Variants in CRISP2 observed in about 807,000 individuals in gnomAD.
CRISP2 encodes cysteine rich secretory protein 2.
In CRISP2, 29 loss-of-function variants were observed where a neutral mutation model predicts 31.7. The observed-to-expected ratio is 0.92, with a 90% confidence interval of 0.68 to 1.25. The LOEUF is 1.25. CRISP2 is among the 50% of genes most tolerant of loss of function. The pLI, the probability that CRISP2 is intolerant of heterozygous loss-of-function variation, is 0.00. For missense variants in CRISP2, 318 were observed against 286.5 expected, an observed-to-expected ratio of 1.11 and a Z score of -0.79; for synonymous variants, 111 against 101.4, an observed-to-expected ratio of 1.09 and a Z score of -0.57.
chr6:49,694,766 G>A lies in CRISP2; in HGVS notation c.604+1070C>T, dbSNP rs187916710. Among the ~76,000 whole-genome samples, 873 of 142,612 alleles carry A rather than the reference G, an allele frequency of 6.1e-3. 8 individuals are homozygous for A. The highest frequency in any genetic ancestry group is 0.021 in the African/African-American group (813 of 38,384). 93.6% of individuals were successfully genotyped at this position (142,612 alleles called of 152,430 possible). ...TTTTTTTTTTTTTTGAGACAGTCTC[G>A]CTCTGTTGCCCTGGCTGGAGTGCAG... On this transcript the variant is annotated intron_variant, in intron 9 of 9. Transcript: ENST00000339139.
downstream of CRISP2, among the ~76,000 whole-genome samples, chr6:49,688,550 A>G (rs932988385): frequency 2.6e-5 from 4 of 152,172 alleles, no homozygotes; most frequent in Non-Finnish European, 4.4e-5. Flanking sequence ...AAAAGCCATT[A>G]TATTGTGATG....
chr6:49,695,734 A>T, intron 9 of CRISP2, 102 bp downstream of exon 9: 1 of 988,702 alleles, frequency 1.0e-6, no homozygotes, highest in African/African-American at 1.7e-5. Flanking sequence ...TCACCAATAC[A>T]TTATTTCAAT....
At chr6:49,706,869 C>T (rs1006295091) in intron 4 of CRISP2, among the ~76,000 whole-genome samples, 12 of 152,234 alleles carry the variant, frequency 7.9e-5, no homozygotes, top group Non-Finnish European at 1.0e-4. Context: ...TGATCGTGGA[C>T]GCCACTGTAC....
chr6:49,682,696 C>T, the CRISP2 span, among the ~76,000 whole-genome samples: 26 of 141,884 alleles, frequency 1.8e-4, no homozygotes, highest in Admixed American at 1.2e-3. Flanking sequence ...CTTTCTCTTT[C>T]TTTTTCTTTT....
At chr6:49,682,729 TTTTC>T in the CRISP2 span, among the ~76,000 whole-genome samples, 41 of 149,342 alleles carry the variant, frequency 2.7e-4, no homozygotes, top group Non-Finnish European at 4.0e-4. Flanking sequence ...TTCTCTTTCT[TTTTC>T]TTTCTTTTTT....
chr6:49,709,450 A>C (rs1024729575), intron 3 of CRISP2, among the ~76,000 whole-genome samples: 6 of 152,330 alleles, frequency 3.9e-5, no homozygotes, highest in Admixed American at 3.9e-4. Context: ...AGGTACATCT[A>C]TAAAAGAGAG....
chr6:49,681,790 G>A, the CRISP2 span, among the ~76,000 whole-genome samples: 1 of 152,018 alleles, frequency 6.6e-6, no homozygotes, highest in Admixed American at 6.6e-5. Context: ...AGCCTCCTAA[G>A]TAGCTTGGAT....
Position 49,697,936 on chromosome 6 carries a change from G to T in CRISP2, c.439C>A (p.Gln147Lys). 6.2e-7 allele frequency: 1 copy of T among 1,605,516 alleles called. No individual in the cohort carries two copies. The highest frequency in any genetic ancestry group is 8.5e-7 in the Non-Finnish European group (1 of 1,176,330). Reference sequence around the variant, plus strand: ...CAGTAGGCAATTCCACAGCCTACCTGGTAAGTCGAGTACCAAACAAGCTGC... The same window carrying T: ...CAGTAGGCAATTCCACAGCCTACCTTGTAAGTCGAGTACCAAACAAGCTGC... ...YTQLVWYSTY[Q>K]VGCGIAYCPN... The change falls in exon 8 of 10, where the codon CAG becomes AAG. Residue 147 changes from glutamine to lysine, a missense_variant. Gln to Lys is a moderately conservative substitution (Grantham distance 53). Transcript: ENST00000339139.
At chr6:49,710,509 C>G (rs961924635) in intron 3 of CRISP2, among the ~76,000 whole-genome samples, 1 of 152,014 alleles carries the variant, frequency 6.6e-6, no homozygotes, top group African/African-American at 2.4e-5. Flanking sequence ...ACAATGGAGA[C>G]CCTTTATTTT....
Position 49,699,809 on chromosome 6 carries a change from T to C in CRISP2, c.266A>G (p.Lys89Arg). The C allele has an allele frequency of 6.2e-7, 1 of 1,608,644 alleles. No individual in the cohort carries two copies. The highest frequency in any genetic ancestry group is 8.5e-7 in the Non-Finnish European group (1 of 1,175,824). ...ATATTTACTAATTTACATACTGGTT[T>C]TGCGGTCCTCTGGATCACTATGTTG... is the stretch of plus-strand genomic sequence containing the variant. ...TLQHSDPEDR[K>R]TSTRCGENLY... Residue 89 changes from lysine (K) to arginine (R), a missense_variant, in exon 6 of 10, where the codon AAA (lysine) becomes AGA (arginine). Physicochemically the swap from Lys to Arg is conservative, Grantham distance 26. Coordinates refer to ENST00000339139, the MANE Select transcript of CRISP2 (RefSeq NM_003296.4).
the CRISP2 span, among the ~76,000 whole-genome samples, chr6:49,682,843 C>T: frequency 2.0e-5 from 3 of 150,654 alleles, no homozygotes; most frequent in African/African-American, 7.3e-5. Flanking sequence ...TTCCTCCCTT[C>T]CTCCCTTCTT....
chr6:49,702,152 T>TGTGTACATATATATATATGTGTAC (rs1252709952), intron 4 of CRISP2, among the ~76,000 whole-genome samples: 12 of 51,692 alleles, frequency 2.3e-4, no homozygotes, highest in African/African-American at 1.0e-3. Flanking sequence ...TATATATATA[T>TGTGTACATATATATATATGTGTAC]ATATATATAT....
the CRISP2 span, among the ~76,000 whole-genome samples, chr6:49,679,470 A>G: frequency 6.6e-6 from 1 of 152,144 alleles, no homozygotes; most frequent in African/African-American, 2.4e-5. Flanking sequence ...AAATGAGAGC[A>G]AAGGGAAATG....
chr6:49,693,023 A>C, intron 9 of CRISP2, 123 bp from the exon 10 acceptor site: 5 of 914,814 alleles, frequency 5.5e-6, no homozygotes, highest in Non-Finnish European at 6.7e-6. Context: ...TTACACTACA[A>C]TGGGTCTTTC....
downstream of CRISP2, among the ~76,000 whole-genome samples, chr6:49,688,835 G>C (rs1172812278): frequency 6.6e-6 from 1 of 152,152 alleles, no homozygotes; most frequent in African/African-American, 2.4e-5. Context: ...AACACTAGCT[G>C]TACACCCTAG....
downstream of CRISP2, among the ~76,000 whole-genome samples, chr6:49,690,384 C>T (rs1764012249): frequency 2.0e-5 from 3 of 152,026 alleles, no homozygotes; most frequent in Admixed American, 6.5e-5. Context: ...TCATATGAAA[C>T]ATTTGACTGA....
chr6:49,681,206 A>T, the CRISP2 span, among the ~76,000 whole-genome samples: 2 of 152,144 alleles, frequency 1.3e-5, no homozygotes, highest in African/African-American at 4.8e-5. Context: ...TTAATCTTCT[A>T]CATGTGGTTA....
intron 4 of CRISP2, among the ~76,000 whole-genome samples, chr6:49,701,716 A>ATGTATACATTATAT (rs1434401055): frequency 8.1e-5 from 5 of 61,876 alleles, no homozygotes; most frequent in African/African-American, 3.0e-4. Flanking sequence ...ATACATATAT[A>ATGTATACATTATAT]ATGTATATAT....
chr6:49,679,325 G>T, the CRISP2 span, among the ~76,000 whole-genome samples: 1 of 152,114 alleles, frequency 6.6e-6, no homozygotes, highest in Non-Finnish European at 1.5e-5. Flanking sequence ...CCTTGAGTCT[G>T]TCAGTTAAGG....
Sources: allele counts gnomAD v4.1 joint callset (sites outside exome capture counted in the v4.1 genomes callset), GRCh38; gene constraint gnomAD v4.1.1; transcripts MANE v1.5; gene names NCBI Gene and HGNC (gene_info 2026-07-23, HGNC 2026-07-21).